Variants in PDZRN3 observed in about 807,000 individuals in gnomAD.
PDZRN3 encodes the protein E3 ubiquitin-protein ligase PDZRN3.
PDZRN3 carries 38 observed loss-of-function variants against 85.7 expected under a neutral mutation model. That is an observed-to-expected ratio of 0.44 (90% CI 0.34 to 0.58). The LOEUF (loss-of-function observed/expected upper bound fraction) is 0.58, where lower values mean the gene tolerates loss of function less well. PDZRN3 is among the 20% of genes least tolerant of loss of function. PDZRN3 has a pLI of 0.01. For synonymous variants in PDZRN3, 759 were observed against 638.0 expected (o/e 1.19, Z -2.86); for missense variants, 1,629 against 1,506.4 (o/e 1.08, Z -1.35).
chr3:73,496,383 A>AG (rs55952132), intron 3 of PDZRN3, among the ~76,000 whole-genome samples: 152,177 of 152,232 alleles, frequency 1, 76,061 homozygotes, highest in Middle Eastern at 1. Context: ...GAACATAGAG[A>AG]ACTAACTTAA....
intron 3 of PDZRN3, chr3:73,404,671 G>T (rs1701819364): frequency 2.7e-6 from 1 of 364,828 alleles, no homozygotes; most frequent in African/African-American, 2.0e-5. Context: ...TTCATCACTT[G>T]CTAATCTTGC....
At chr3:73,541,962 A>G (rs763566304) in intron 3 of PDZRN3, among the ~76,000 whole-genome samples, 45 of 152,168 alleles carry the variant, frequency 3.0e-4, no homozygotes, top group Non-Finnish European at 5.7e-4. Context: ...TTGAGTAATA[A>G]TTTTCAAAAG....
Position 73,495,736 on chromosome 3 carries a change from CA to C in PDZRN3, c.919-91342del, listed in dbSNP as rs1329051230. ...CTCACGTTTCCAGTGTTATAAAACA[CA>C]AGGCAGACTTTTATGATATTGGCAA... On this transcript the variant is annotated intron_variant, in intron 3 of 9. Transcript: ENST00000263666. Among the ~76,000 whole-genome samples the C allele has an allele frequency of 2.6e-5, 4 of 152,088 alleles. No homozygotes were observed. In the East Asian group the frequency reaches 7.7e-4, roughly 29 times the overall value.
intron 3 of PDZRN3, among the ~76,000 whole-genome samples, chr3:73,462,871 G>A (rs1703137709): frequency 6.6e-6 from 1 of 152,162 alleles, no homozygotes; most frequent in Non-Finnish European, 1.5e-5. Flanking sequence ...TTTTACAAAT[G>A]AGAAAGGAGG....
chr3:73,414,186 C>T (rs985530931), intron 3 of PDZRN3, among the ~76,000 whole-genome samples: 1 of 152,138 alleles, frequency 6.6e-6, no homozygotes, highest in African/African-American at 2.4e-5. Context: ...TTTTTTGAAG[C>T]GCCTGAATCT....
At chr3:73,563,874 T>TGCAGAGGTAGGACTTGAG (rs1310668382) in intron 3 of PDZRN3, among the ~76,000 whole-genome samples, 18 of 152,212 alleles carry the variant, frequency 1.2e-4, no homozygotes, top group Non-Finnish European at 1.2e-4. Context: ...AGCGAGAAGA[T>TGCAGAGGTAGGACTTGAG]GCAGAGGTAG....
intron 3 of PDZRN3, among the ~76,000 whole-genome samples, chr3:73,545,793 T>C (rs1397120897): frequency 6.6e-6 from 1 of 152,160 alleles, no homozygotes; most frequent in African/African-American, 2.4e-5. Context: ...TTTTAGTGTG[T>C]GGATTTTGCT....
At chr3:73,582,800 C>G (rs1241519435) in intron 3 of PDZRN3, among the ~76,000 whole-genome samples, 1 of 152,086 alleles carries the variant, frequency 6.6e-6, no homozygotes, top group East Asian at 1.9e-4. Flanking sequence ...TGTATTATTG[C>G]AGTGTTGTGG....
intron 3 of PDZRN3, among the ~76,000 whole-genome samples, chr3:73,505,174 TA>T (rs1704048164): frequency 6.6e-6 from 1 of 152,240 alleles, no homozygotes; most frequent in African/African-American, 2.4e-5. Context: ...AATTAAGAAC[TA>T]AACTATACTT....
At chr3:73,606,266 G>C (rs1005522792) in intron 2 of PDZRN3, among the ~76,000 whole-genome samples, 1 of 152,232 alleles carries the variant, frequency 6.6e-6, no homozygotes, top group Non-Finnish European at 1.5e-5. Context: ...ACAAAGGGTG[G>C]AGGAATAATT....
intron 3 of PDZRN3, among the ~76,000 whole-genome samples, chr3:73,526,080 C>T (rs1704515733): frequency 6.6e-6 from 1 of 152,158 alleles, no homozygotes; most frequent in African/African-American, 2.4e-5. Context: ...GTTACTGAAC[C>T]TCTCTGGGCG....
chr3:73,516,719 A>G (rs1396480638), intron 3 of PDZRN3, among the ~76,000 whole-genome samples: 3 of 152,350 alleles, frequency 2.0e-5, no homozygotes, highest in South Asian at 2.1e-4. Context: ...TGAAAAATGT[A>G]AAAACAACCC....
intron 3 of PDZRN3, among the ~76,000 whole-genome samples, chr3:73,549,879 T>G (rs1301433846): frequency 6.6e-6 from 1 of 152,180 alleles, no homozygotes. Context: ...TTTGCTAACC[T>G]TAGTAACAAT....
chr3:73,396,207 G>A (rs1263202516), intron 5 of PDZRN3, among the ~76,000 whole-genome samples: 1 of 151,370 alleles, frequency 6.6e-6, no homozygotes, highest in Non-Finnish European at 1.5e-5. Flanking sequence ...ACAGCAAGAC[G>A]CAGTCTCAAA....
rs536805759 is a variant in PDZRN3, at chr3:73,406,131, C to T, written c.919-1736G>A. Among the ~76,000 whole-genome samples, 11 of 152,286 alleles carry T rather than the reference C, an allele frequency of 7.2e-5. No homozygotes were observed. In the South Asian group the frequency reaches 2.3e-3, roughly 32 times the overall value. Reference sequence around the variant, plus strand: ...TCTGGGTCACAAAATGACTTGAGTGCACCAGTAAATAAGGAACTGTCTGAA... The same window carrying T: ...TCTGGGTCACAAAATGACTTGAGTGTACCAGTAAATAAGGAACTGTCTGAA... On this transcript the variant is annotated intron_variant, in intron 3 of 9. Transcript: ENST00000263666.
At chr3:73,605,330 ATTTAT>A (rs1702582777) in intron 2 of PDZRN3, among the ~76,000 whole-genome samples, 1 of 152,170 alleles carries the variant, frequency 6.6e-6, no homozygotes, top group Admixed American at 6.5e-5. Context: ...ATGACTTGGA[ATTTAT>A]TTTGTTTTGC....
intron 1 of PDZRN3, among the ~76,000 whole-genome samples, chr3:73,619,001 G>A: frequency 6.6e-6 from 1 of 152,110 alleles, no homozygotes; most frequent in East Asian, 1.9e-4. Flanking sequence ...AACACCTTTT[G>A]ATACAATTGT....
At chr3:73,581,712 G>A (rs1702204160) in intron 3 of PDZRN3, among the ~76,000 whole-genome samples, 1 of 151,746 alleles carries the variant, frequency 6.6e-6, no homozygotes, top group African/African-American at 2.4e-5. Context: ...AGTTATATTT[G>A]TATCTATTGA....
At chr3:73,453,362 A>G (rs1268135208) in intron 3 of PDZRN3, among the ~76,000 whole-genome samples, 1 of 141,742 alleles carries the variant, frequency 7.1e-6, no homozygotes, top group East Asian at 2.2e-4. Flanking sequence ...GCCGAGATCT[A>G]GCCACTGCAC....
Sources: gnomAD v4.1 joint callset for allele counts (sites outside exome capture counted in the v4.1 genomes callset) on GRCh38, gnomAD v4.1.1 for gene constraint, MANE v1.5 for transcripts, NCBI Gene and HGNC (gene_info 2026-07-23, HGNC 2026-07-21) for gene names.